Variants in NRXN3 observed in about 807,000 individuals in gnomAD.
NRXN3 encodes the protein neurexin III.
In NRXN3, 32 loss-of-function variants were observed where a neutral mutation model predicts 137.6. The ratio of observed to expected loss-of-function variants is 0.23; its 90% CI spans 0.18 to 0.31. The LOEUF (loss-of-function observed/expected upper bound fraction) is 0.31. NRXN3 is among the 10% of genes least tolerant of loss of function. The pLI, the probability that NRXN3 is intolerant of heterozygous loss-of-function variation, is 1.00. For synonymous variants in NRXN3, 798 were observed against 784.5 expected, an observed-to-expected ratio of 1.02 and a Z score of -0.29; for missense variants, 1,574 against 2,062.5, an observed-to-expected ratio of 0.76 and a Z score of 4.59.
At chr14:78,731,940 G>A (rs982394239) in intron 8 of NRXN3, among the ~76,000 whole-genome samples, 1 of 22,256 alleles carries the variant, frequency 4.5e-5, no homozygotes, top group African/African-American at 1.0e-4. Flanking sequence ...CAGTAATGCT[G>A]TGAACAAGCC....
intron 10 of NRXN3, among the ~76,000 whole-genome samples, chr14:78,834,967 C>T (rs2152419561): frequency 1.3e-5 from 2 of 152,210 alleles, no homozygotes; most frequent in South Asian, 4.2e-4. Context: ...ACCCCCAGTC[C>T]ATCTGTGATG....
chr14:78,843,124 T>C (rs2099017209), intron 10 of NRXN3, among the ~76,000 whole-genome samples: 1 of 152,128 alleles, frequency 6.6e-6, no homozygotes, highest in Non-Finnish European at 1.5e-5. Context: ...GTGATAAGCG[T>C]CCATGAAATC....
chr14:79,860,575 G>A (rs1430118297), intron 20 of NRXN3, among the ~76,000 whole-genome samples: 2 of 152,204 alleles, frequency 1.3e-5, no homozygotes, highest in African/African-American at 4.8e-5. Flanking sequence ...ATAAGATGGT[G>A]AATCGGTCAT....
intron 16 of NRXN3, among the ~76,000 whole-genome samples, chr14:79,617,306 T>A (rs1457879957): frequency 2.6e-5 from 4 of 152,172 alleles, no homozygotes; most frequent in Non-Finnish European, 5.9e-5. Flanking sequence ...TTTTACCCAA[T>A]GGCTTTTCAA....
chr14:79,640,302 T>C (rs1480405912), intron 16 of NRXN3, among the ~76,000 whole-genome samples: 4 of 135,674 alleles, frequency 2.9e-5, no homozygotes, highest in African/African-American at 9.8e-5. Flanking sequence ...GCTGTTTCTA[T>C]ACAGCTATTT....
intron 10 of NRXN3, among the ~76,000 whole-genome samples, chr14:78,859,929 A>G (rs1275234617): frequency 6.6e-6 from 1 of 152,086 alleles, no homozygotes; most frequent in Non-Finnish European, 1.5e-5. Flanking sequence ...TCTTTCCTCT[A>G]AAGATCCTTA....
intron 6 of NRXN3, among the ~76,000 whole-genome samples, chr14:78,678,453 C>T (rs559324873): frequency 1.2e-4 from 18 of 152,068 alleles, no homozygotes; most frequent in Admixed American, 4.6e-4. Context: ...CCAGCTACTC[C>T]AGTATATTTT....
At chr14:78,485,858 A>G (rs1199894548) in intron 4 of NRXN3, among the ~76,000 whole-genome samples, 2 of 152,248 alleles carry the variant, frequency 1.3e-5, no homozygotes, top group Non-Finnish European at 2.9e-5. Flanking sequence ...GTCACCAAAT[A>G]TGAATCACTG....
In NRXN3 at chr14:79,606,162, A is replaced by G. The variant is rs190170236; in HGVS notation, c.3445-57616A>G. Among the ~76,000 whole-genome samples the G allele has an allele frequency of 2.0e-5, 3 of 152,328 alleles. No homozygotes were observed. In the East Asian group the frequency reaches 5.8e-4, roughly 29 times the overall value. Reference sequence around the variant, plus strand: ...TACCTCCGGATAAATCTTCATGATGAAATGTGCAGCCGGTCCACCTCTTCA... The same window carrying G: ...TACCTCCGGATAAATCTTCATGATGGAATGTGCAGCCGGTCCACCTCTTCA... On this transcript the variant is annotated intron_variant, in intron 16 of 20. Transcript: ENST00000335750.
At chr14:79,176,311 G>A (rs1034783987) in intron 15 of NRXN3, among the ~76,000 whole-genome samples, 12 of 152,200 alleles carry the variant, frequency 7.9e-5, no homozygotes, top group African/African-American at 2.9e-4. Context: ...GGCACTGATT[G>A]TAAACCTGAA....
intron 16 of NRXN3, among the ~76,000 whole-genome samples, chr14:79,563,917 CA>C (rs1313405263): frequency 6.6e-6 from 1 of 151,866 alleles, no homozygotes; most frequent in Non-Finnish European, 1.5e-5. Context: ...GGTAGGGAGC[CA>C]AAATTGCTGC....
intron 6 of NRXN3, among the ~76,000 whole-genome samples, chr14:78,674,609 T>A (rs137911904): frequency 0.011 from 1,697 of 152,280 alleles, 14 homozygotes; most frequent in South Asian, 0.028. Context: ...GTGGTTTCGG[T>A]GCTGATCCAT....
intron 4 of NRXN3, among the ~76,000 whole-genome samples, chr14:78,426,862 A>G (rs1411353067): frequency 6.6e-6 from 1 of 152,136 alleles, no homozygotes; most frequent in East Asian, 1.9e-4. Context: ...CCCATCACAG[A>G]CCATGGGAAC....
intron 15 of NRXN3, among the ~76,000 whole-genome samples, chr14:79,463,386 C>A (rs2096378348): frequency 6.6e-6 from 1 of 151,830 alleles, no homozygotes; most frequent in Non-Finnish European, 1.5e-5. Context: ...CCAAAACACT[C>A]TGTCAATATC....
intron 1 of NRXN3, among the ~76,000 whole-genome samples, chr14:78,236,848 C>T (rs2066387727): frequency 1.3e-5 from 2 of 151,564 alleles, no homozygotes; most frequent in African/African-American, 2.4e-5. Context: ...CCCATGTTCT[C>T]TCTCACTAGC....
chr14:78,943,625 T>TA (rs2099359053), intron 10 of NRXN3, among the ~76,000 whole-genome samples: 1 of 11,070 alleles, frequency 9.0e-5, no homozygotes, highest in Non-Finnish European at 1.8e-4. Flanking sequence ...AAAAAAAATA[T>TA]ATATATATAT....
chr14:78,504,937 C>T (rs928227506), intron 4 of NRXN3, among the ~76,000 whole-genome samples: 4 of 152,140 alleles, frequency 2.6e-5, no homozygotes, highest in Non-Finnish European at 5.9e-5. Context: ...TAGACCCACC[C>T]CTCAGCAACT....
At chr14:79,172,677 A>C (rs959619638) in intron 15 of NRXN3, among the ~76,000 whole-genome samples, 1 of 152,210 alleles carries the variant, frequency 6.6e-6, no homozygotes, top group African/African-American at 2.4e-5. Context: ...TCCCCACTAC[A>C]TTTCTAAGTA....
At chr14:79,145,162 A>T (rs2059171257) in intron 15 of NRXN3, among the ~76,000 whole-genome samples, 6 of 152,160 alleles carry the variant, frequency 3.9e-5, no homozygotes, top group Admixed American at 3.3e-4. Flanking sequence ...TAGTACAGTC[A>T]TTGAGATACA....
Sources: gnomAD v4.1 joint callset for allele counts (sites outside exome capture counted in the v4.1 genomes callset) on GRCh38, gnomAD v4.1.1 for gene constraint, MANE v1.5 for transcripts, NCBI Gene and HGNC (gene_info 2026-07-23, HGNC 2026-07-21) for gene names.